URGCP: variants seen among roughly 807,000 people sequenced by gnomAD.
The protein encoded by URGCP is upregulator of cell proliferation, also known as up-regulator of cell proliferation.
Under a neutral mutation model 24.6 loss-of-function variants are expected in URGCP, and 13 were observed. The observed-to-expected ratio is 0.53, with a 90% CI of 0.34 to 0.84. The LOEUF is 0.84. Among genes scored for constraint, URGCP ranks in the 40% least tolerant of loss-of-function variants. The pLI, the probability that URGCP is intolerant of heterozygous loss-of-function variation, is 0.01. For missense variants in URGCP, 899 were observed against 1,194.3 expected (o/e 0.75, Z 3.64); for synonymous variants, 444 against 487.2 (o/e 0.91, Z 1.17).
chr7:43,893,371 A>T (rs187082870), intron 1 of URGCP, among the ~76,000 whole-genome samples: 3 of 151,788 alleles, frequency 2.0e-5, no homozygotes, highest in Non-Finnish European at 4.4e-5. Context: ...AAAATGAAAA[A>T]ATTAGCTGGG....
At chr7:43,906,541 G>T in intron 1 of URGCP, 21 bp downstream of exon 1, 1 of 1,229,394 alleles carries the variant, frequency 8.1e-7, no homozygotes, top group Non-Finnish European at 1.0e-6. Context: ...GGGGGCGCAG[G>T]GCCTGCGAGG....
At chr7:43,919,032 AAG>A in intron 1 of URGCP, 3 of 1,113,802 alleles carry the variant, frequency 2.7e-6, no homozygotes, top group Non-Finnish European at 4.1e-6. Flanking sequence ...CCAGAGGGAG[AAG>A]ATCCATGAGG....
upstream of URGCP, chr7:43,926,441 T>A: frequency 8.5e-7 from 1 of 1,178,116 alleles, no homozygotes; most frequent in Non-Finnish European, 1.1e-6. Context: ...AGGCTGCGGC[T>A]CCCGGCGTGC....
chr7:43,891,640 C>T (rs2095870835), intron 1 of URGCP, among the ~76,000 whole-genome samples: 1 of 152,236 alleles, frequency 6.6e-6, no homozygotes, highest in Admixed American at 6.5e-5. Flanking sequence ...AAATCCACAG[C>T]AAGCCTTTGT....
chr7:43,909,868 C>A (rs1049937757), upstream of URGCP, among the ~76,000 whole-genome samples: 1 of 131,550 alleles, frequency 7.6e-6, no homozygotes, highest in African/African-American at 2.9e-5. Flanking sequence ...CATGGAGAAA[C>A]CCTGTTCTCT....
intron 3 of URGCP, among the ~76,000 whole-genome samples, chr7:43,885,290 G>A (rs188972785): frequency 8.8e-4 from 134 of 151,974 alleles, no homozygotes; most frequent in African/African-American, 3.0e-3. Context: ...TAGTAGAGAC[G>A]GGGTTTCATC....
At position 43,886,894 on chromosome 7, in the gene URGCP, C is replaced by T. The variant is rs148735963; in HGVS notation, c.112+521G>A. Among the ~76,000 whole-genome samples the T allele has an allele frequency of 2.2e-3, 330 of 152,248 alleles. 3 individuals are homozygous for T. The highest frequency in any genetic ancestry group is 7.5e-3 in the African/African-American group (310 of 41,522). On this transcript the variant is annotated intron_variant, in intron 3 of 5. Coordinates refer to ENST00000453200, the MANE Select transcript of URGCP (RefSeq NM_001077663.3). Reference sequence around the variant, plus strand: ...ATTTACAAAGGGTGGCGTTACAGCCCCACCCCCAAATCCTCAGAGAAAGAA... The same window carrying T: ...ATTTACAAAGGGTGGCGTTACAGCCTCACCCCCAAATCCTCAGAGAAAGAA...
In URGCP at chr7:43,883,356, A is replaced by T. The variant is rs868342548; in HGVS notation, c.113-1399T>A. Among the ~76,000 whole-genome samples the T allele has an allele frequency of 2.0e-3, 190 of 96,810 alleles. 1 individual carries two copies. Among genetic ancestry groups the T allele is most frequent in the African/African-American group, 8.0e-3 (131 of 16,442 alleles). 63.5% of individuals were successfully genotyped at this position (96,810 alleles called of 152,430 possible). A position where few individuals can be genotyped will look rare whatever the true frequency, so the allele number is the denominator to read the frequency against. ...TATATACATATATATATATATATAT[A>T]TATATATTTTTTTTTTTTTTTTGAG... On this transcript the variant is annotated intron_variant, in intron 3 of 5. Coordinates refer to ENST00000453200, the MANE Select transcript of URGCP (RefSeq NM_001077663.3).
chr7:43,919,780 C>T (rs2095920019), intron 1 of URGCP: 13 of 1,341,310 alleles, frequency 9.7e-6, no homozygotes, highest in South Asian at 8.2e-5. Flanking sequence ...GTGGCCCTGT[C>T]GAGGAAGTCT....
chr7:43,903,911 A>G (rs902582905), intron 1 of URGCP, among the ~76,000 whole-genome samples: 1 of 152,206 alleles, frequency 6.6e-6, no homozygotes, highest in Non-Finnish European at 1.5e-5. Flanking sequence ...ACAGTGAAAG[A>G]GCAGGCAGAG....
chr7:43,908,962 T>C (rs146372560), upstream of URGCP, among the ~76,000 whole-genome samples: 103 of 152,348 alleles, frequency 6.8e-4, no homozygotes, highest in African/African-American at 2.4e-3. Flanking sequence ...ACTATATGGT[T>C]AGACCATCAT....
chr7:43,882,045 C>G, intron 3 of URGCP, 88 bp from the exon 4 acceptor site: 1 of 1,590,914 alleles, frequency 6.3e-7, no homozygotes, highest in Non-Finnish European at 8.5e-7. Context: ...ATGCCTGTAA[C>G]CCCAGCACTT....
chr7:43,881,475 T>C (rs898963661), intron 5 of URGCP, among the ~76,000 whole-genome samples, 184 bp downstream of exon 5: 6 of 104,138 alleles, frequency 5.8e-5, no homozygotes, highest in Admixed American at 9.7e-5. Context: ...CTTCCCAGGG[T>C]TTTTTTTTTT....
chr7:43,898,181 A>G (rs1182162743), intron 1 of URGCP, among the ~76,000 whole-genome samples: 1 of 152,218 alleles, frequency 6.6e-6, no homozygotes, highest in African/African-American at 2.4e-5. Context: ...GACAGAATCA[A>G]CTTGCATTTT....
chr7:43,877,184 G>GC lies in URGCP; in HGVS notation c.2278dup (p.Ala760GlyfsTer10). On this transcript the variant is annotated frameshift_variant, in exon 6 of 6. Transcript: ENST00000453200. LOFTEE classifies it high-confidence loss of function. ...AAATCTGTCCCCAGCTGACGTCAAGGCCCCACCTATCAAGCCCCCGGAGTC... is the reference window on the plus strand; with the variant it reads ...AAATCTGTCCCCAGCTGACGTCAAGGCCCCCACCTATCAAGCCCCCGGAGTC... 1 of 1,614,156 alleles carries GC rather than the reference G, an allele frequency of 6.2e-7. No individual in the cohort carries two copies.
intron 1 of URGCP, among the ~76,000 whole-genome samples, chr7:43,916,582 G>A (rs549640753): frequency 6.6e-6 from 1 of 152,136 alleles, no homozygotes; most frequent in African/African-American, 2.4e-5. Flanking sequence ...ATTAAGCCAA[G>A]CCTCATTTCA....
At chr7:43,917,827 G>A (rs2095917052) in intron 1 of URGCP, among the ~76,000 whole-genome samples, 1 of 152,124 alleles carries the variant, frequency 6.6e-6, no homozygotes, top group South Asian at 2.1e-4. Flanking sequence ...AAAATTGGCT[G>A]GGCATGGTGG....
chr7:43,923,774 T>C (rs909438831), intron 1 of URGCP, among the ~76,000 whole-genome samples: 13 of 152,244 alleles, frequency 8.5e-5, no homozygotes, highest in Non-Finnish European at 1.9e-4. Context: ...TCGCATTCTG[T>C]GTGTTGTCTT....
intron 1 of URGCP, among the ~76,000 whole-genome samples, chr7:43,912,189 G>A (rs1024823795): frequency 6.6e-6 from 1 of 151,918 alleles, no homozygotes; most frequent in South Asian, 2.1e-4. Flanking sequence ...GCAAAAGGAG[G>A]GAAATAATAA....
Sources: gnomAD v4.1 joint callset for allele counts (sites outside exome capture counted in the v4.1 genomes callset) on GRCh38, gnomAD v4.1.1 for gene constraint, MANE v1.5 for transcripts, NCBI Gene and HGNC (gene_info 2026-07-23, HGNC 2026-07-21) for gene names.